The following TSPAN18 variants were observed in gnomAD, a reference collection of about 807,000 sequenced individuals.
The protein encoded by TSPAN18 is tetraspanin 18, also known as tetraspanin-18.
Under a neutral mutation model 27.3 loss-of-function variants are expected in TSPAN18, and 14 were observed. The ratio of observed to expected loss-of-function variants is 0.51; its 90% CI spans 0.34 to 0.80. The LOEUF (loss-of-function observed/expected upper bound fraction) is 0.80. Ranked by LOEUF, TSPAN18 falls within the 30% of genes least tolerant of loss-of-function variation. TSPAN18 has a pLI of 0.01. For missense variants in TSPAN18, 268 were observed against 323.9 expected (o/e 0.83, Z 1.32); for synonymous variants, 143 against 136.5 (o/e 1.05, Z -0.33).
At chr11:44,787,869 G>A (rs535087725) in intron 2 of TSPAN18, among the ~76,000 whole-genome samples, 4 of 151,870 alleles carry the variant, frequency 2.6e-5, no homozygotes, top group South Asian at 4.2e-4. Flanking sequence ...CACTTAACTC[G>A]CCCTTCCCAG....
At chr11:44,788,581 C>T (rs1208082682) in intron 2 of TSPAN18, among the ~76,000 whole-genome samples, 1 of 151,730 alleles carries the variant, frequency 6.6e-6, no homozygotes, top group Non-Finnish European at 1.5e-5. Context: ...TTCCAGCCTC[C>T]GGAGTAGCTG....
chr11:44,764,082 C>G (rs1299279587), intron 1 of TSPAN18, among the ~76,000 whole-genome samples: 1 of 152,066 alleles, frequency 6.6e-6, no homozygotes, highest in Admixed American at 6.5e-5. Context: ...CACTTTTAAA[C>G]AAGCAGATCT....
chr11:44,794,953 T>G (rs1373619701), intron 2 of TSPAN18, among the ~76,000 whole-genome samples: 2 of 152,062 alleles, frequency 1.3e-5, no homozygotes, highest in East Asian at 3.8e-4. Flanking sequence ...ACTGAATCAG[T>G]GGGAAAAATG....
chr11:44,781,058 A>T (rs1855927133), intron 2 of TSPAN18, among the ~76,000 whole-genome samples: 1 of 152,200 alleles, frequency 6.6e-6, no homozygotes. Context: ...AGGACATCTG[A>T]TGCTCTAGAG....
At chr11:44,892,780 G>A (rs986052107) in intron 3 of TSPAN18, among the ~76,000 whole-genome samples, 1 of 152,220 alleles carries the variant, frequency 6.6e-6, no homozygotes, top group Non-Finnish European at 1.5e-5. Context: ...ACCTTATTTT[G>A]TCCCAGCAGG....
chr11:44,740,322 TA>T (rs1479224571), intron 1 of TSPAN18, among the ~76,000 whole-genome samples: 1 of 152,172 alleles, frequency 6.6e-6, no homozygotes, highest in Admixed American at 6.5e-5. Flanking sequence ...CATTGTGTGA[TA>T]AGGGTGTCGG....
chr11:44,726,952 G>C (rs1590392284), upstream of TSPAN18: 1 of 146,758 alleles, frequency 6.8e-6, no homozygotes, highest in East Asian at 2.0e-4. Context: ...CGGCGGGCTG[G>C]CGGGCGTGCA....
chr11:44,826,505 G>A (rs572192714), intron 2 of TSPAN18, among the ~76,000 whole-genome samples: 10 of 152,310 alleles, frequency 6.6e-5, no homozygotes, highest in East Asian at 1.9e-4. Context: ...TATGTCTATC[G>A]CCGGCAGGTA....
intron 2 of TSPAN18, among the ~76,000 whole-genome samples, chr11:44,816,689 T>C (rs1053903088): frequency 6.6e-6 from 1 of 152,234 alleles, no homozygotes; most frequent in African/African-American, 2.4e-5. Flanking sequence ...CATGTCCTCC[T>C]GCTTTCTCCG....
chr11:44,788,164 G>A (rs1308051310), intron 2 of TSPAN18, among the ~76,000 whole-genome samples: 5 of 152,176 alleles, frequency 3.3e-5, no homozygotes, highest in Non-Finnish European at 5.9e-5. Flanking sequence ...GGAGGGCCAG[G>A]GACTCAGGGA....
intron 2 of TSPAN18, among the ~76,000 whole-genome samples, chr11:44,848,487 C>A (rs532831926): frequency 6.6e-6 from 1 of 152,172 alleles, no homozygotes; most frequent in Non-Finnish European, 1.5e-5. Context: ...GCTTGGCAAG[C>A]AGCAGGGGCT....
chr11:44,883,532 G>T (rs1017236331), intron 3 of TSPAN18, among the ~76,000 whole-genome samples: 1 of 152,338 alleles, frequency 6.6e-6, no homozygotes, highest in South Asian at 2.1e-4. Context: ...AAAGGCCAAG[G>T]CCACACAGGT....
intron 3 of TSPAN18, among the ~76,000 whole-genome samples, chr11:44,883,475 C>T (rs1464494820): frequency 6.6e-6 from 1 of 152,182 alleles, no homozygotes; most frequent in Non-Finnish European, 1.5e-5. Flanking sequence ...TGGTCTCACT[C>T]AACATTCACA....
chr11:44,917,303 C>T (rs535993048), intron 5 of TSPAN18, among the ~76,000 whole-genome samples: 1 of 152,322 alleles, frequency 6.6e-6, no homozygotes, highest in African/African-American at 2.4e-5. Flanking sequence ...GCAGAGGTAA[C>T]AGAGCCTGTG....
intron 3 of TSPAN18, chr11:44,885,804 G>A (rs1475675630): frequency 6.6e-6 from 1 of 152,210 alleles, no homozygotes; most frequent in Non-Finnish European, 1.5e-5. Flanking sequence ...CATAATTTGA[G>A]CTCTGAGTAC....
At chr11:44,782,028 C>A (rs2134954101) in intron 2 of TSPAN18, among the ~76,000 whole-genome samples, 1 of 152,274 alleles carries the variant, frequency 6.6e-6, no homozygotes, top group East Asian at 1.9e-4. Context: ...TAGTTTATTA[C>A]TTTTTATTGC....
chr11:44,908,005 A>G (rs1379625748), intron 4 of TSPAN18, among the ~76,000 whole-genome samples: 1 of 146,844 alleles, frequency 6.8e-6, no homozygotes, highest in Non-Finnish European at 1.5e-5. Flanking sequence ...TGGTGAGCCG[A>G]GATCGTGCCA....
intron 2 of TSPAN18, among the ~76,000 whole-genome samples, chr11:44,799,905 A>C (rs946094543): frequency 5.3e-5 from 8 of 151,788 alleles, no homozygotes; most frequent in African/African-American, 1.9e-4. Context: ...ATCTTGGCTC[A>C]CTGCAATCTC....
intron 2 of TSPAN18, among the ~76,000 whole-genome samples, chr11:44,799,177 C>G (rs1316036568): frequency 6.6e-6 from 1 of 152,094 alleles, no homozygotes; most frequent in Non-Finnish European, 1.5e-5. Flanking sequence ...TTCTCCTGCC[C>G]CCTCCCCAGG....
Sources: gnomAD v4.1 joint callset for allele counts (sites outside exome capture counted in the v4.1 genomes callset) on GRCh38, gnomAD v4.1.1 for gene constraint, MANE v1.5 for transcripts, NCBI Gene and HGNC (gene_info 2026-07-23, HGNC 2026-07-21) for gene names.